The following MAP4K5 variants were observed in gnomAD, a reference collection of about 807,000 sequenced individuals.
MAP4K5 encodes MAPK/ERK kinase kinase kinase 5.
MAP4K5 carries 82 observed loss-of-function variants against 135.6 expected under a neutral mutation model. The observed-to-expected ratio is 0.60, with a 90% CI of 0.51 to 0.73. The LOEUF (loss-of-function observed/expected upper bound fraction) is 0.73, where lower values mean the gene tolerates loss of function less well. Among genes scored for constraint, MAP4K5 ranks in the 30% least tolerant of loss-of-function variants. MAP4K5 has a pLI of 0.00. For missense variants in MAP4K5, 907 were observed against 1,010.9 expected (o/e 0.90, Z 1.39); for synonymous variants, 347 against 335.0 (o/e 1.04, Z -0.39).
rs1170877901 is a variant in MAP4K5, at chr14:50,504,850, T to A, written c.116A>T (p.Asn39Ile). ...TGCAGCCAGCTCTCCTGTGTGTACA[T>A]TTCTGGCCTAAAAATAAAATAAAAA... ...GTYGDVYKAR[N>I]VHTGELAAVK... is the part of the protein sequence containing the mutation. The change falls in exon 3 of 33, where the codon AAT (asparagine) becomes ATT (isoleucine). Residue 39 changes from asparagine to isoleucine, a missense_variant. Asn to Ile is a moderately radical substitution (Grantham distance 149). Coordinates refer to ENST00000682126, the MANE Select transcript of MAP4K5 (RefSeq NM_006575.6). 1 of 1,542,068 alleles carries A rather than the reference T, an allele frequency of 6.5e-7. No individual in the cohort carries two copies. Among genetic ancestry groups the A allele is most frequent in the Admixed American group, 2.1e-5 (1 of 48,636 alleles).
intron 2 of MAP4K5, among the ~76,000 whole-genome samples, chr14:50,520,540 A>G (rs912447102): frequency 6.6e-6 from 1 of 152,186 alleles, no homozygotes; most frequent in Non-Finnish European, 1.5e-5. Flanking sequence ...CTTCTCAGGC[A>G]GTCCTAATTA....
intron 14 of MAP4K5, chr14:50,449,059 C>A: frequency 2.2e-6 from 1 of 449,712 alleles, no homozygotes; most frequent in Non-Finnish European, 3.9e-6. Flanking sequence ...TGTTTGGAAT[C>A]AGGAAATTAA....
intron 28 of MAP4K5, among the ~76,000 whole-genome samples, chr14:50,432,556 CAAAAAA>C (rs56267301): frequency 7.1e-5 from 10 of 139,922 alleles, no homozygotes. Context: ...ACAAAACTCT[CAAAAAA>C]AAAAAAAAAA....
At chr14:50,488,582 A>C (rs1216740584) in intron 3 of MAP4K5, among the ~76,000 whole-genome samples, 1 of 152,240 alleles carries the variant, frequency 6.6e-6, no homozygotes, top group African/African-American at 2.4e-5. Flanking sequence ...ATAAAAGTCA[A>C]TAATATGGCT....
chr14:50,537,012 A>C (rs1276327059), upstream of MAP4K5, among the ~76,000 whole-genome samples: 1 of 152,268 alleles, frequency 6.6e-6, no homozygotes, highest in Non-Finnish European at 1.5e-5. Context: ...GCTGAATATT[A>C]ATTCCAAAGA....
rs1393152631 is a variant in MAP4K5, at chr14:50,456,499, G to A, written c.1015+17C>T. On this transcript the variant is annotated intron_variant, in intron 14 of 32. Coordinates refer to ENST00000682126, the MANE Select transcript of MAP4K5 (RefSeq NM_006575.6). The stretch of plus-strand genomic sequence containing the variant: ...CCCTCCAAAACCACCAATGGAAAAT[G>A]TAAACCAAACACATACAATTTATTT... 2 of 1,544,266 alleles carry A rather than the reference G, an allele frequency of 1.3e-6. No individual in the cohort carries two copies. The highest frequency in any genetic ancestry group is 2.4e-5 in the East Asian group (1 of 42,066).
intron 2 of MAP4K5, chr14:50,505,113 C>G (rs528313083): frequency 5.8e-5 from 19 of 327,540 alleles, no homozygotes; most frequent in Non-Finnish European, 1.0e-4. Context: ...CTACTTCCTC[C>G]AAGGCTTTTC....
At chr14:50,560,012 G>T (rs2038815137) in intron 1 of MAP4K5, 5 of 567,284 alleles carry the variant, frequency 8.8e-6, no homozygotes, top group Non-Finnish European at 1.6e-5. Context: ...ACGGTCTGGG[G>T]GTGGACTGAG....
intron 2 of MAP4K5, among the ~76,000 whole-genome samples, chr14:50,540,496 C>G (rs976574458): frequency 6.6e-6 from 1 of 152,144 alleles, no homozygotes; most frequent in Non-Finnish European, 1.5e-5. Flanking sequence ...GGTGACTTTT[C>G]CCCAAGGCCA....
At position 50,521,148 on chromosome 14, in the gene MAP4K5, C is replaced by T. The variant is rs188965025; in HGVS notation, c.108+10794G>A. ...AGTCATTTTGATAGTAAAGGTAAAT[C>T]AAGCCTGGGCTCTGAATGGAAACAT... On this transcript the variant is annotated intron_variant, in intron 2 of 32. Transcript: ENST00000682126. 1.9e-4 allele frequency among the ~76,000 whole-genome samples: 29 copies of T among 152,240 alleles called. 1 individual carries two copies. Among genetic ancestry groups the T allele is most frequent in the African/African-American group, 6.5e-4 (27 of 41,542 alleles).
chr14:50,517,323 T>C (rs986346723), intron 2 of MAP4K5, among the ~76,000 whole-genome samples: 2 of 151,830 alleles, frequency 1.3e-5, no homozygotes, highest in African/African-American at 4.8e-5. Context: ...AGCTAATTTT[T>C]GTATTTTTAG....
rs1295975402 is a variant in MAP4K5, at chr14:50,435,019, C to T, written c.1929G>A (p.Gln643=). The change falls in exon 27 of 33, where the codon CAG becomes CAA. Residue 643 remains glutamine, a synonymous_variant. Transcript: ENST00000682126. The part of the protein sequence containing the change: ...TGHKYLCGAL[Q]SGIVLLQWYE... Reference sequence around the variant, plus strand: ...ACCACTGAAGTAAAACAATTCCAGACTGTAAAGCTCCACAGAGGTATTTAT... The same window carrying T: ...ACCACTGAAGTAAAACAATTCCAGATTGTAAAGCTCCACAGAGGTATTTAT... 1 of 1,611,784 alleles carries T rather than the reference C, an allele frequency of 6.2e-7. No homozygotes were observed. The highest frequency in any genetic ancestry group is 8.5e-7 in the Non-Finnish European group (1 of 1,178,620).
At chr14:50,483,358 G>GTACTGAA (rs1375235638) in intron 5 of MAP4K5, among the ~76,000 whole-genome samples, 2 of 152,134 alleles carry the variant, frequency 1.3e-5, no homozygotes, top group Admixed American at 6.5e-5. Context: ...AGTACCATGA[G>GTACTGAA]AGTAACTCTG....
chr14:50,560,009 G>T (rs2038815014), intron 1 of MAP4K5: 2 of 563,510 alleles, frequency 3.5e-6, no homozygotes, highest in Non-Finnish European at 6.4e-6. Context: ...TTCACGGTCT[G>T]GGGGTGGACT....
chr14:50,431,701 T>C (rs4898657), intron 28 of MAP4K5, among the ~76,000 whole-genome samples: 129,300 of 150,200 alleles, frequency 0.86, 57,438 homozygotes, highest in Non-Finnish European at 0.96. Context: ...TGAATAATGC[T>C]GCAATAAACA....
At chr14:50,485,438 T>C in intron 5 of MAP4K5, 140 bp downstream of exon 5, 1 of 560,622 alleles carries the variant, frequency 1.8e-6, no homozygotes, top group Non-Finnish European at 3.2e-6. Flanking sequence ...TAAATACAGA[T>C]TTCTGTTATG....
At chr14:50,538,575 T>C (rs1055461604) in intron 2 of MAP4K5, among the ~76,000 whole-genome samples, 1 of 152,218 alleles carries the variant, frequency 6.6e-6, no homozygotes, top group African/African-American at 2.4e-5. Context: ...ATAACAGGTA[T>C]GTTCAAAAGG....
intron 32 of MAP4K5, among the ~76,000 whole-genome samples, chr14:50,421,219 C>CACAA (rs1381602946): frequency 6.6e-6 from 1 of 151,858 alleles, no homozygotes; most frequent in Non-Finnish European, 1.5e-5. Context: ...TTTTCCTAGA[C>CACAA]ACAAGTATCT....
At chr14:50,462,091 T>C (rs1031699005) in intron 13 of MAP4K5, among the ~76,000 whole-genome samples, 2 of 152,248 alleles carry the variant, frequency 1.3e-5, no homozygotes, top group African/African-American at 2.4e-5. Flanking sequence ...ATTATTTGTA[T>C]TTTGTTAATA....
Sources: allele counts gnomAD v4.1 joint callset (sites outside exome capture counted in the v4.1 genomes callset), GRCh38; gene constraint gnomAD v4.1.1; transcripts MANE v1.5; gene names NCBI Gene and HGNC (gene_info 2026-07-23, HGNC 2026-07-21).